N4BP2L1: variants seen among roughly 807,000 people sequenced by gnomAD.
N4BP2L1 encodes NEDD4 binding protein 2 like 1, also known as NEDD4-binding protein 2-like 1.
In N4BP2L1, 12 loss-of-function variants were observed where a neutral mutation model predicts 21.2. That is an observed-to-expected ratio of 0.57 (90% confidence interval 0.36 to 0.92). N4BP2L1 has a LOEUF of 0.92. N4BP2L1 is among the 40% of genes least tolerant of loss of function. The probability of loss-of-function intolerance (pLI) is 0.01; values close to 1 mark genes in which losing one functional copy is unlikely to be tolerated. For missense variants in N4BP2L1, 259 were observed against 310.6 expected, an observed-to-expected ratio of 0.83 and a Z score of 1.25; for synonymous variants, 104 against 112.8, an observed-to-expected ratio of 0.92 and a Z score of 0.49.
intron 3 of N4BP2L1, chr13:32,406,965 G>A (rs931092586): frequency 8.7e-5 from 36 of 416,052 alleles, no homozygotes; most frequent in African/African-American, 4.3e-4. Flanking sequence ...ATGCCTTGCC[G>A]TAGGAAAGTA....
chr13:32,414,782 A>G (rs2074037007), intron 1 of N4BP2L1, among the ~76,000 whole-genome samples: 1 of 152,230 alleles, frequency 6.6e-6, no homozygotes, highest in South Asian at 2.1e-4. Flanking sequence ...TCAAGAGCTT[A>G]AAAACTGGCT....
intron 1 of N4BP2L1, among the ~76,000 whole-genome samples, chr13:32,424,754 G>C (rs497255): frequency 6.6e-6 from 1 of 152,010 alleles, no homozygotes; most frequent in Non-Finnish European, 1.5e-5. Context: ...ATGCTAATTT[G>C]TCAGTACTTT....
chr13:32,402,029 T>A lies in N4BP2L1; in HGVS notation c.*913A>T, dbSNP rs928350093. The A allele has an allele frequency of 2.0e-6, 2 of 985,466 alleles. No individual in the cohort carries two copies. Among genetic ancestry groups the A allele is most frequent in the East Asian group, 1.1e-4 (1 of 8,824 alleles). The allele number at this position is 985,466 out of a possible 1,614,324, so 61.0% of individuals were successfully genotyped here. A position where few individuals can be genotyped will look rare whatever the true frequency, so the allele number is the denominator to read the frequency against. ...GCTCATTTTGTAATGAGCATGGCTTTTATATATCCCTGTATGACCTATATC... is the reference window on the plus strand; with the variant it reads ...GCTCATTTTGTAATGAGCATGGCTTATATATATCCCTGTATGACCTATATC... On this transcript the variant is annotated 3_prime_UTR_variant, in exon 5 of 5. Transcript: ENST00000380130.
intron 1 of N4BP2L1, among the ~76,000 whole-genome samples, 193 bp downstream of exon 1, chr13:32,427,711 G>A (rs2074867076): frequency 6.6e-6 from 1 of 152,032 alleles, no homozygotes; most frequent in Non-Finnish European, 1.5e-5. Context: ...CGGCCTCAGG[G>A]GTCGAGGGAG....
intron 1 of N4BP2L1, among the ~76,000 whole-genome samples, chr13:32,409,850 G>C (rs1398020710): frequency 6.6e-6 from 1 of 152,148 alleles, no homozygotes; most frequent in Non-Finnish European, 1.5e-5. Context: ...AAAGCAGAAA[G>C]ACTCTAAGGG....
At chr13:32,419,228 AC>A (rs2074316250) in intron 1 of N4BP2L1, among the ~76,000 whole-genome samples, 1 of 145,718 alleles carries the variant, frequency 6.9e-6, no homozygotes, top group South Asian at 2.1e-4. Context: ...GTGAGTTCTC[AC>A]AAGATCTGGC....
At chr13:32,426,237 A>C (rs950817990) in intron 1 of N4BP2L1, among the ~76,000 whole-genome samples, 2 of 152,102 alleles carry the variant, frequency 1.3e-5, no homozygotes, top group African/African-American at 4.8e-5. Context: ...TTTGACACTC[A>C]GTGTCTCTTT....
chr13:32,427,880 C>A, intron 1 of N4BP2L1, 24 bp downstream of exon 1: 1 of 1,432,430 alleles, frequency 7.0e-7, no homozygotes, highest in Non-Finnish European at 9.2e-7. Context: ...GCCCGTGCAC[C>A]GGCGCCCAGA....
chr13:32,427,459 C>T (rs900483813), intron 1 of N4BP2L1, among the ~76,000 whole-genome samples: 8 of 152,234 alleles, frequency 5.3e-5, no homozygotes, highest in East Asian at 1.9e-4. Flanking sequence ...CTGCAGTCGC[C>T]ACCGGGTTTT....
Position 32,403,072 on chromosome 13 carries a change from T to C in N4BP2L1, c.602A>G (p.Asn201Ser). 6.2e-7 allele frequency: 1 copy of C among 1,614,188 alleles called. No individual in the cohort carries two copies. The highest frequency in any genetic ancestry group is 8.5e-7 in the Non-Finnish European group (1 of 1,180,020). The change falls in exon 5 of 5, where the codon AAT (asparagine) becomes AGT (serine). Residue 201 changes from asparagine to serine, a missense_variant. Physicochemically the swap from Asn to Ser is conservative, Grantham distance 46. Around this residue, in one of 3 missense-constraint regions of N4BP2L1, gnomAD observed 108 missense variants for 107.8 expected, o/e 1.00. Coordinates refer to ENST00000380130, the MANE Select transcript of N4BP2L1 (RefSeq NM_052818.3). ...PSRMNRNQDR[N>S]NALPSNNARY... ...GGCATTGTTGGAAGGCAATGCATTATTCCTGTCCTGGTTTCTGTTCATTCT... is the reference window on the plus strand; with the variant it reads ...GGCATTGTTGGAAGGCAATGCATTACTCCTGTCCTGGTTTCTGTTCATTCT...
At position 32,402,534 on chromosome 13, in the gene N4BP2L1, C is replaced by A; in HGVS notation, c.*408G>T. ...AAGTAGCAATGCCCCCCCACCACTTCTCTCCACCTTCCCAACTTTACCGAT... is the reference window on the plus strand; with the variant it reads ...AAGTAGCAATGCCCCCCCACCACTTATCTCCACCTTCCCAACTTTACCGAT... On this transcript the variant is annotated 3_prime_UTR_variant, in exon 5 of 5. Transcript: ENST00000380130. 1 of 985,900 alleles carries A rather than the reference C, an allele frequency of 1.0e-6. No individual in the cohort carries two copies. Among genetic ancestry groups the A allele is most frequent in the African/African-American group, 1.8e-5 (1 of 54,872 alleles). 61.1% of individuals were successfully genotyped at this position (985,900 alleles called of 1,614,324 possible).
At chr13:32,411,681 C>A (rs1162960586) in intron 1 of N4BP2L1, 1 of 985,120 alleles carries the variant, frequency 1.0e-6, no homozygotes, top group Non-Finnish European at 1.2e-6. Flanking sequence ...CTCCCACAAC[C>A]CCCGCTCAAA....
At chr13:32,416,978 G>C (rs1488814668) in intron 1 of N4BP2L1, among the ~76,000 whole-genome samples, 1 of 151,886 alleles carries the variant, frequency 6.6e-6, no homozygotes, top group Non-Finnish European at 1.5e-5. Context: ...CACCACCCCT[G>C]GCTAATTTTT....
intron 1 of N4BP2L1, chr13:32,424,970 G>A (rs922518720): frequency 8.6e-5 from 13 of 151,986 alleles, no homozygotes; most frequent in African/African-American, 3.1e-4. Flanking sequence ...TGAGAAAAAA[G>A]GTTAAGCAGA....
rs1036666127 is a variant in N4BP2L1 at position 32,403,071 on chromosome 13, A to C, written c.603T>G (p.Asn201Lys). 6 of 1,614,004 alleles carry C rather than the reference A, an allele frequency of 3.7e-6. No individual in the cohort carries two copies. Among genetic ancestry groups the C allele is most frequent in the Non-Finnish European group, 5.1e-6 (6 of 1,180,030 alleles). Residue 201 changes from asparagine (N) to lysine (K), a missense_variant, in exon 5 of 5, where the codon AAT (asparagine) becomes AAG (lysine). Around this residue, in one of 3 missense-constraint regions of N4BP2L1, gnomAD observed 108 missense variants for 107.8 expected, o/e 1.00. Coordinates refer to ENST00000380130, the MANE Select transcript of N4BP2L1 (RefSeq NM_052818.3). ...PSRMNRNQDR[N>K]NALPSNNARY... ...TGGCATTGTTGGAAGGCAATGCATT[A>C]TTCCTGTCCTGGTTTCTGTTCATTC...
At chr13:32,404,797 A>G (rs1245527204) in intron 3 of N4BP2L1, among the ~76,000 whole-genome samples, 1 of 151,888 alleles carries the variant, frequency 6.6e-6, no homozygotes, top group Non-Finnish European at 1.5e-5. Context: ...TCCTTTAGAA[A>G]GTGGGAGTAC....
rs1025864629 is a variant in N4BP2L1, at chr13:32,407,754, A to C, written c.198T>G (p.Phe66Leu). The C allele has an allele frequency of 1.2e-6, 2 of 1,600,908 alleles. No homozygotes were observed. The highest frequency in any genetic ancestry group is 2.7e-5 in the African/African-American group (2 of 74,128). ...TTLARQLQHD[F>L]PRALIFSTDD... The stretch of plus-strand genomic sequence containing the variant: ...CCGTGCTGAAAATCAGGGCCCTGGG[A>C]AAGTCATGCTGCAATTGTCTGGAAA... The change falls in exon 2 of 5, where the codon TTT (phenylalanine) becomes TTG (leucine). Residue 66 changes from phenylalanine to leucine, a missense_variant. Phe to Leu is a conservative substitution (Grantham distance 22). Coordinates refer to ENST00000380130, the MANE Select transcript of N4BP2L1 (RefSeq NM_052818.3).
chr13:32,410,388 A>C (rs2073788339), intron 1 of N4BP2L1, among the ~76,000 whole-genome samples: 1 of 152,232 alleles, frequency 6.6e-6, no homozygotes, highest in Admixed American at 6.5e-5. Flanking sequence ...GGTCAAAGCG[A>C]GTCACTTTGC....
chr13:32,428,399 T>A, upstream of N4BP2L1: 1 of 224,956 alleles, frequency 4.4e-6, no homozygotes, highest in Non-Finnish European at 8.6e-6. Flanking sequence ...AGTAGGTCTC[T>A]GGGACACTTC....
Sources: gnomAD v4.1 joint callset for allele counts (sites outside exome capture counted in the v4.1 genomes callset) on GRCh38, gnomAD v4.1.1 for gene constraint, gnomAD v4.1.1 regional missense constraint, MANE v1.5 for transcripts, NCBI Gene and HGNC (gene_info 2026-07-23, HGNC 2026-07-21) for gene names.